The following KHDRBS2 variants were observed in gnomAD, a reference collection of about 807,000 sequenced individuals.
The protein encoded by KHDRBS2 is KH domain-containing, RNA-binding, signal transduction-associated protein 2.
Under a neutral mutation model 44.3 loss-of-function variants are expected in KHDRBS2, and 26 were observed. The observed-to-expected ratio is 0.59, with a 90% CI of 0.43 to 0.81. KHDRBS2 has a LOEUF of 0.81. Among genes scored for constraint, KHDRBS2 ranks in the 40% least tolerant of loss-of-function variants. The pLI is 0.00. For synonymous variants in KHDRBS2, 194 were observed against 151.1 expected, an observed-to-expected ratio of 1.28 and a Z score of -2.08; for missense variants, 476 against 433.1, an observed-to-expected ratio of 1.10 and a Z score of -0.88.
Position 62,212,536 on chromosome 6 carries a change from T to A in KHDRBS2, c.92-35224A>T, listed in dbSNP as rs1829244477. Among the ~76,000 whole-genome samples, 2 of 152,008 alleles carry A rather than the reference T, an allele frequency of 1.3e-5. 1 individual carries two copies. The highest frequency in any genetic ancestry group is 4.1e-4 in the South Asian group (2 of 4,826). On this transcript the variant is annotated intron_variant, in intron 1 of 8. Transcript: ENST00000281156. Reference sequence around the variant, plus strand: ...ATTATTGGAGTTGTAGTTAGTAAAGTTAAAAGGATAAGGCCATATTGGAAT... The same window carrying A: ...ATTATTGGAGTTGTAGTTAGTAAAGATAAAAGGATAAGGCCATATTGGAAT...
intron 1 of KHDRBS2, among the ~76,000 whole-genome samples, chr6:62,226,366 C>T (rs905655876): frequency 1.3e-5 from 2 of 152,146 alleles, no homozygotes; most frequent in Admixed American, 1.3e-4. Context: ...ATATCCTCTG[C>T]CCAATTTTTG....
intron 3 of KHDRBS2, among the ~76,000 whole-genome samples, chr6:62,032,954 A>G (rs1026370790): frequency 3.9e-5 from 6 of 152,010 alleles, no homozygotes; most frequent in African/African-American, 1.2e-4. Flanking sequence ...AGGAAACTCA[A>G]TGAAATTCAA....
At chr6:62,240,484 T>G (rs1462730028) in intron 1 of KHDRBS2, among the ~76,000 whole-genome samples, 2 of 151,466 alleles carry the variant, frequency 1.3e-5, no homozygotes, top group African/African-American at 2.4e-5. Context: ...CTAGTTGAGC[T>G]GAAAGAACAA....
At chr6:61,991,262 G>A (rs887364464) in intron 3 of KHDRBS2, among the ~76,000 whole-genome samples, 2 of 152,190 alleles carry the variant, frequency 1.3e-5, no homozygotes, top group Non-Finnish European at 2.9e-5. Flanking sequence ...ATGCTTGAGT[G>A]TATGCCAAAT....
At chr6:62,223,190 T>C (rs192413832) in intron 1 of KHDRBS2, among the ~76,000 whole-genome samples, 17 of 152,348 alleles carry the variant, frequency 1.1e-4, no homozygotes, top group Admixed American at 7.8e-4. Context: ...TAGGTAGAGT[T>C]TCCCAAACCT....
At chr6:61,832,378 G>A (rs1791967458) in intron 6 of KHDRBS2, among the ~76,000 whole-genome samples, 1 of 152,068 alleles carries the variant, frequency 6.6e-6, no homozygotes, top group Admixed American at 6.6e-5. Context: ...CTTATCTATA[G>A]GTCTCTTCTC....
intron 7 of KHDRBS2, among the ~76,000 whole-genome samples, chr6:61,716,786 G>A (rs1269176442): frequency 1.3e-5 from 2 of 151,988 alleles, no homozygotes; most frequent in East Asian, 1.9e-4. Flanking sequence ...ACCTACCAGT[G>A]AAACCAGAAT....
At chr6:61,763,022 G>T (rs922854392) in intron 6 of KHDRBS2, among the ~76,000 whole-genome samples, 5 of 152,098 alleles carry the variant, frequency 3.3e-5, no homozygotes, top group African/African-American at 1.2e-4. Context: ...CTGCCTTTGG[G>T]ATCTATTCTG....
intron 1 of KHDRBS2, among the ~76,000 whole-genome samples, chr6:62,224,984 G>A (rs752287537): frequency 6.6e-5 from 10 of 152,128 alleles, no homozygotes; most frequent in Non-Finnish European, 1.0e-4. Flanking sequence ...TGTGATACTG[G>A]TTAACCCAGT....
intron 1 of KHDRBS2, among the ~76,000 whole-genome samples, chr6:62,221,741 C>A (rs1385581366): frequency 2.0e-5 from 3 of 151,746 alleles, no homozygotes; most frequent in Admixed American, 2.0e-4. Flanking sequence ...ATAAGTCAAT[C>A]AGAAAAAAAA....
chr6:61,740,534 C>A (rs2127563718), intron 6 of KHDRBS2, among the ~76,000 whole-genome samples: 1 of 151,948 alleles, frequency 6.6e-6, no homozygotes, highest in East Asian at 1.9e-4. Flanking sequence ...ATTACCAGGG[C>A]TTTGTAGAGT....
At chr6:62,109,631 T>C (rs1804524930) in intron 2 of KHDRBS2, among the ~76,000 whole-genome samples, 1 of 151,970 alleles carries the variant, frequency 6.6e-6, no homozygotes, top group Middle Eastern at 3.4e-3. Context: ...ATAGTGGCAA[T>C]GAACAATTGA....
At position 61,798,988 on chromosome 6, in the gene KHDRBS2, G is replaced by C. The variant is rs150972541; in HGVS notation, c.811-66224C>G. Among the ~76,000 whole-genome samples, 1,272 of 152,030 alleles carry C rather than the reference G, an allele frequency of 8.4e-3. 19 individuals carry two copies. Among genetic ancestry groups the C allele is most frequent in the African/African-American group, 0.029 (1,190 of 41,496 alleles). The stretch of plus-strand genomic sequence containing the variant: ...ACAGCCTTGAATTTTGTAGATATTT[G>C]ATATCCATCAAAAAAGGAGCCAAAG... On this transcript the variant is annotated intron_variant, in intron 6 of 8. Coordinates refer to ENST00000281156, the MANE Select transcript of KHDRBS2 (RefSeq NM_152688.4).
intron 6 of KHDRBS2, among the ~76,000 whole-genome samples, chr6:61,771,665 A>T (rs1780931915): frequency 6.6e-6 from 1 of 152,218 alleles, no homozygotes; most frequent in African/African-American, 2.4e-5. Context: ...CACCCAATAC[A>T]GGAGCACCCA....
the KHDRBS2 span, among the ~76,000 whole-genome samples, chr6:61,639,662 G>T: frequency 5.5e-4 from 84 of 152,014 alleles, no homozygotes; most frequent in African/African-American, 2.0e-3. Context: ...TCCTCAGATG[G>T]TAAAGTCTTG....
intron 4 of KHDRBS2, 101 bp from the exon 5 acceptor site, chr6:61,901,472 T>A (rs1020952706): frequency 1.1e-6 from 1 of 929,550 alleles, no homozygotes; most frequent in Non-Finnish European, 1.6e-6. Flanking sequence ...TAGGAAATAA[T>A]TTTTTTCATT....
chr6:61,571,586 T>C, the KHDRBS2 span, among the ~76,000 whole-genome samples: 2 of 152,078 alleles, frequency 1.3e-5, no homozygotes, highest in Non-Finnish European at 2.9e-5. Flanking sequence ...TACAGAACAC[T>C]TGACCCTACA....
intron 7 of KHDRBS2, among the ~76,000 whole-genome samples, chr6:61,728,113 A>G (rs950944304): frequency 2.0e-5 from 3 of 151,272 alleles, no homozygotes; most frequent in Non-Finnish European, 4.4e-5. Context: ...AGCCATAAAA[A>G]GGAATGAGAT....
intron 4 of KHDRBS2, among the ~76,000 whole-genome samples, chr6:61,928,491 A>T (rs1350214720): frequency 6.6e-6 from 1 of 152,114 alleles, no homozygotes; most frequent in Non-Finnish European, 1.5e-5. Context: ...CTATTGATGC[A>T]TGAGTATTTT....
Sources: gnomAD v4.1 joint callset for allele counts (sites outside exome capture counted in the v4.1 genomes callset) on GRCh38, gnomAD v4.1.1 for gene constraint, MANE v1.5 for transcripts, NCBI Gene and HGNC (gene_info 2026-07-23, HGNC 2026-07-21) for gene names.